MYRIP: variants seen among roughly 807,000 people sequenced by gnomAD.
MYRIP encodes the protein rab effector MyRIP.
A neutral mutation model predicts 98.0 loss-of-function variants in MYRIP; 49 were observed. The ratio of observed to expected loss-of-function variants is 0.50; its 90% CI spans 0.40 to 0.63. The LOEUF is 0.63. Ranked by LOEUF, MYRIP falls within the 30% of genes least tolerant of loss-of-function variation. The pLI is 0.00. For synonymous variants in MYRIP, 404 were observed against 409.5 expected (o/e 0.99, Z 0.16); for missense variants, 1,004 against 1,058.2 (o/e 0.95, Z 0.71).
At chr3:39,981,762 A>G (rs748691453) in intron 2 of MYRIP, among the ~76,000 whole-genome samples, 4 of 152,220 alleles carry the variant, frequency 2.6e-5, no homozygotes, top group Non-Finnish European at 4.4e-5. Flanking sequence ...TATGTTACGT[A>G]TAAGACATAC....
At chr3:39,841,250 C>G (rs959403601) in intron 1 of MYRIP, among the ~76,000 whole-genome samples, 1 of 151,886 alleles carries the variant, frequency 6.6e-6, no homozygotes, top group African/African-American at 2.4e-5. Context: ...ATCAATTTGG[C>G]TACAACGTAT....
At chr3:40,097,176 G>C (rs1948849725) in intron 3 of MYRIP, among the ~76,000 whole-genome samples, 1 of 152,196 alleles carries the variant, frequency 6.6e-6, no homozygotes, top group African/African-American at 2.4e-5. Flanking sequence ...GCTGACTCCT[G>C]TACGGTTCTA....
At chr3:40,084,068 C>T (rs1218421638) in intron 3 of MYRIP, among the ~76,000 whole-genome samples, 15 of 115,548 alleles carry the variant, frequency 1.3e-4, no homozygotes, top group South Asian at 6.2e-4. Context: ...ACCCGGGAGG[C>T]GGAACTTGCA....
intron 2 of MYRIP, among the ~76,000 whole-genome samples, chr3:40,000,739 G>C (rs1438419099): frequency 6.6e-6 from 1 of 152,102 alleles, no homozygotes; most frequent in Non-Finnish European, 1.5e-5. Flanking sequence ...AGCTTCCCCT[G>C]TAACCCATCC....
chr3:39,929,112 G>A (rs961853130), intron 2 of MYRIP, among the ~76,000 whole-genome samples: 2 of 151,868 alleles, frequency 1.3e-5, no homozygotes, highest in Non-Finnish European at 2.9e-5. Context: ...ATGGACACAT[G>A]GATACTGTGA....
At chr3:39,863,429 G>C (rs1942528551) in intron 1 of MYRIP, among the ~76,000 whole-genome samples, 1 of 149,540 alleles carries the variant, frequency 6.7e-6, no homozygotes. Flanking sequence ...AAAAAGAGAG[G>C]ATCCAAATAA....
intron 2 of MYRIP, among the ~76,000 whole-genome samples, chr3:40,032,766 C>G (rs551451528): frequency 1.3e-5 from 2 of 151,676 alleles, no homozygotes; most frequent in Admixed American, 6.6e-5. Context: ...GAGACACAAC[C>G]AAAAAAGAAT....
chr3:39,995,063 G>T (rs900838937), intron 2 of MYRIP, among the ~76,000 whole-genome samples: 2 of 151,224 alleles, frequency 1.3e-5, no homozygotes, highest in Non-Finnish European at 2.9e-5. Context: ...AAGACCAAAG[G>T]TAGATAAAAC....
At chr3:39,914,897 A>G (rs1944115623) in intron 2 of MYRIP, among the ~76,000 whole-genome samples, 1 of 143,016 alleles carries the variant, frequency 7.0e-6, no homozygotes, top group Middle Eastern at 3.6e-3. Flanking sequence ...AAATTTATAC[A>G]GTTCCCAAAG....
intron 8 of MYRIP, among the ~76,000 whole-genome samples, chr3:40,180,823 ACT>A (rs1167073666): frequency 1.3e-5 from 2 of 151,954 alleles, no homozygotes; most frequent in African/African-American, 2.4e-5. Flanking sequence ...GTTTCCTACG[ACT>A]CTGAATCTGA....
intron 2 of MYRIP, among the ~76,000 whole-genome samples, chr3:39,960,365 C>T (rs1945291780): frequency 6.6e-6 from 1 of 152,122 alleles, no homozygotes; most frequent in African/African-American, 2.4e-5. Context: ...GTAAAAAACA[C>T]ATGAGTCCTA....
rs571158893 is a variant in MYRIP at position 39,873,024 on chromosome 3, G to A, written c.-30-27763G>A. On this transcript the variant is annotated intron_variant, in intron 1 of 16. Coordinates refer to ENST00000302541, the MANE Select transcript of MYRIP (RefSeq NM_015460.4). ...GTTGTTTCCTGACTTTTTAATGATT[G>A]CCATCCTAACTGGTGTGAGATGATA... Among the ~76,000 whole-genome samples, 1,519 of 152,238 alleles carry A rather than the reference G, an allele frequency of 1.0e-2. 12 individuals are homozygous for A. The highest frequency in any genetic ancestry group is 0.016 in the Non-Finnish European group (1,085 of 68,014).
At position 40,166,838 on chromosome 3, in the gene MYRIP, C is replaced by T; in HGVS notation, c.551-8C>T. The T allele has an allele frequency of 6.3e-7, 1 of 1,584,462 alleles. No individual in the cohort carries two copies. The highest frequency in any genetic ancestry group is 8.7e-7 in the Non-Finnish European group (1 of 1,153,670). On this transcript the variant is annotated splice_polypyrimidine_tract_variant and splice_region_variant and intron_variant, in intron 5 of 16. Transcript: ENST00000302541. The stretch of plus-strand genomic sequence containing the variant: ...TTAGAAATGCTCTTTGTTCTGTTTC[C>T]TGTCTAGGACATAGTGTGATGGACA...
At chr3:40,251,328 T>A (rs1407793590) in intron 15 of MYRIP, among the ~76,000 whole-genome samples, 1 of 152,258 alleles carries the variant, frequency 6.6e-6, no homozygotes, top group Non-Finnish European at 1.5e-5. Context: ...CACAGTCCTT[T>A]ATTTGAAACC....
chr3:40,063,013 G>T (rs976350601), intron 3 of MYRIP, among the ~76,000 whole-genome samples: 6 of 152,194 alleles, frequency 3.9e-5, no homozygotes, highest in African/African-American at 1.4e-4. Flanking sequence ...AGGAAAAAAA[G>T]ATTTAGGAGA....
At chr3:40,097,585 G>C (rs1948857003) in intron 3 of MYRIP, among the ~76,000 whole-genome samples, 1 of 152,010 alleles carries the variant, frequency 6.6e-6, no homozygotes, top group African/African-American at 2.4e-5. Flanking sequence ...CACCACGATG[G>C]GTAATGTTAA....
chr3:40,023,928 T>TCC (rs1480667297), intron 2 of MYRIP, among the ~76,000 whole-genome samples: 2 of 152,210 alleles, frequency 1.3e-5, no homozygotes, highest in Non-Finnish European at 2.9e-5. Context: ...TATCAGTGAT[T>TCC]CATGGATTTT....
In MYRIP at chr3:40,179,530, C is replaced by T. The variant is rs183968754; in HGVS notation, c.874-2690C>T. Among the ~76,000 whole-genome samples the T allele has an allele frequency of 2.0e-4, 31 of 152,200 alleles. 1 individual carries two copies. In the East Asian group the frequency reaches 5.6e-3, roughly 27 times the overall value. On this transcript the variant is annotated intron_variant, in intron 8 of 16. Transcript: ENST00000302541. ...AATGAAATATTAAGTATTGTTTCCCCTTTTTAAACTTGTATTCAGTGATTT... is the reference window on the plus strand; with the variant it reads ...AATGAAATATTAAGTATTGTTTCCCTTTTTTAAACTTGTATTCAGTGATTT...
At chr3:40,108,118 A>G (rs2125898745) in intron 3 of MYRIP, among the ~76,000 whole-genome samples, 1 of 152,072 alleles carries the variant, frequency 6.6e-6, no homozygotes, top group East Asian at 1.9e-4. Flanking sequence ...ACATAGTTTC[A>G]GCCAACATGC....
Sources: allele counts gnomAD v4.1 joint callset (sites outside exome capture counted in the v4.1 genomes callset), GRCh38; gene constraint gnomAD v4.1.1; transcripts MANE v1.5; gene names NCBI Gene and HGNC (gene_info 2026-07-23, HGNC 2026-07-21).